Variants in RBX1 observed in about 807,000 individuals in gnomAD.
The protein encoded by RBX1 is ring-box 1.
For missense variants in RBX1, 46 were observed against 141.4 expected, an observed-to-expected ratio of 0.33 and a Z score of 3.42; for synonymous variants, 48 against 47.9, an observed-to-expected ratio of 1.00 and a Z score of -0.01.
At chr22:40,956,370 G>T (rs1370520590) in intron 2 of RBX1, among the ~76,000 whole-genome samples, 3 of 150,420 alleles carry the variant, frequency 2.0e-5, no homozygotes. Context: ...ATAAAACAAT[G>T]AGTGAGATCG....
At chr22:40,953,753 C>T in intron 2 of RBX1, 120 bp downstream of exon 2, 1 of 684,992 alleles carries the variant, frequency 1.5e-6, no homozygotes, top group Non-Finnish European at 2.7e-6. Flanking sequence ...AGCACTCGGT[C>T]TTCTGTATCT....
chr22:40,957,659 T>A (rs1355736237), intron 2 of RBX1, among the ~76,000 whole-genome samples: 1 of 152,036 alleles, frequency 6.6e-6, no homozygotes, highest in East Asian at 1.9e-4. Context: ...CACTGTTTAT[T>A]TTTTATTTTT....
chr22:40,951,775 G>A (rs1469122815), intron 1 of RBX1, among the ~76,000 whole-genome samples: 1 of 144,282 alleles, frequency 6.9e-6, no homozygotes, highest in African/African-American at 2.5e-5. Context: ...TCACTGGAGT[G>A]GTTGAGAGGT....
chr22:40,967,870 G>A lies in RBX1; in HGVS notation c.300G>A (p.Glu100=). 9 of 1,613,130 alleles carry A rather than the reference G, an allele frequency of 5.6e-6. No homozygotes were observed. The highest frequency in any genetic ancestry group is 7.6e-6 in the Non-Finnish European group (9 of 1,179,118). The change falls in exon 4 of 5, where the codon GAG becomes GAA. Residue 100 remains glutamate, a synonymous_variant. Transcript: ENST00000216225. ...TRQVCPLDNR[E]WEFQKYGH ...AGGTGTGTCCATTGGACAACAGAGA[G>A]TGGGAATTCCAAAAGTAGGTATCTT...
At chr22:40,956,083 T>G (rs2058324654) in intron 2 of RBX1, among the ~76,000 whole-genome samples, 1 of 152,136 alleles carries the variant, frequency 6.6e-6, no homozygotes, top group Admixed American at 6.6e-5. Context: ...TCTCTATATT[T>G]AAGTCAGTGT....
rs1246257105 is a variant in RBX1, at chr22:40,972,618, A to G, written c.*130A>G. 2.7e-6 allele frequency: 2 copies of G among 744,016 alleles called. No individual in the cohort carries two copies. Among genetic ancestry groups the G allele is most frequent in the East Asian group, 2.5e-5 (1 of 39,384 alleles). 46.1% of individuals were successfully genotyped at this position (744,016 alleles called of 1,614,324 possible). On this transcript the variant is annotated 3_prime_UTR_variant, in exon 5 of 5. Coordinates refer to ENST00000216225, the MANE Select transcript of RBX1 (RefSeq NM_014248.4). ...TGTTTTTTCAGTTTGCTGTTTCTGTAGCCATATTGTATTCTGTGTCAAATA... is the reference window on the plus strand; with the variant it reads ...TGTTTTTTCAGTTTGCTGTTTCTGTGGCCATATTGTATTCTGTGTCAAATA...
At chr22:40,970,731 C>T (rs913836851) in intron 4 of RBX1, among the ~76,000 whole-genome samples, 14 of 151,050 alleles carry the variant, frequency 9.3e-5, no homozygotes, top group Non-Finnish European at 1.2e-4. Context: ...TTAGGCTATT[C>T]TTGGGTTTAA....
At chr22:40,962,005 G>C (rs1221980820) in intron 2 of RBX1, among the ~76,000 whole-genome samples, 1 of 152,044 alleles carries the variant, frequency 6.6e-6, no homozygotes, top group African/African-American at 2.4e-5. Flanking sequence ...GGCTGGTCTC[G>C]AACCCTGACA....
At chr22:40,951,914 G>C (rs527930507) in intron 1 of RBX1, among the ~76,000 whole-genome samples, 1 of 152,166 alleles carries the variant, frequency 6.6e-6, no homozygotes, top group African/African-American at 2.4e-5. Flanking sequence ...AGGCCTCTGA[G>C]GACCCCCCTT....
intron 2 of RBX1, among the ~76,000 whole-genome samples, chr22:40,956,055 A>C (rs916790800): frequency 6.6e-6 from 1 of 151,704 alleles, no homozygotes; most frequent in Non-Finnish European, 1.5e-5. Flanking sequence ...ATGATTTTAT[A>C]TAACCCTGAT....
intron 2 of RBX1, among the ~76,000 whole-genome samples, chr22:40,956,175 AGT>A (rs2058324866): frequency 6.6e-6 from 1 of 152,058 alleles, no homozygotes; most frequent in African/African-American, 2.4e-5. Context: ...CTTCTCTTAG[AGT>A]GAAATGCTTG....
chr22:40,972,266 G>A (rs2058371144), intron 4 of RBX1, among the ~76,000 whole-genome samples: 2 of 152,206 alleles, frequency 1.3e-5, no homozygotes, highest in South Asian at 4.1e-4. Flanking sequence ...GTCCCTAAGA[G>A]GGGGCAGTAG....
At chr22:40,966,231 G>A (rs1431939499) in intron 3 of RBX1, 1 of 152,244 alleles carries the variant, frequency 6.6e-6, no homozygotes, top group Non-Finnish European at 1.5e-5. Flanking sequence ...TTTATCTTCT[G>A]TAAATTGTAC....
intron 2 of RBX1, among the ~76,000 whole-genome samples, chr22:40,959,882 C>T (rs964104023): frequency 1.3e-5 from 2 of 152,000 alleles, no homozygotes; most frequent in South Asian, 2.1e-4. Flanking sequence ...CATGGGAGGC[C>T]GAGGCAGGCA....
chr22:40,957,232 C>T (rs956601847), intron 2 of RBX1, among the ~76,000 whole-genome samples: 1 of 151,904 alleles, frequency 6.6e-6, no homozygotes, highest in Non-Finnish European at 1.5e-5. Context: ...GTAATCCCAG[C>T]TACATGGGAG....
intron 2 of RBX1, among the ~76,000 whole-genome samples, chr22:40,962,888 G>T (rs549032473): frequency 6.9e-6 from 1 of 145,638 alleles, no homozygotes; most frequent in East Asian, 2.1e-4. Context: ...AGTAGAGACG[G>T]TGTTTCACTA....
rs193148306 is a variant in RBX1, at chr22:40,961,644, C to T, written c.158-2403C>T. Reference sequence around the variant, plus strand: ...TGGGCTCGATCTCCTGACCTCGTGACCCACCCGCCTCAGCCTCCCAAAACG... The same window carrying T: ...TGGGCTCGATCTCCTGACCTCGTGATCCACCCGCCTCAGCCTCCCAAAACG... On this transcript the variant is annotated intron_variant, in intron 2 of 4. Coordinates refer to ENST00000216225, the MANE Select transcript of RBX1 (RefSeq NM_014248.4). Among the ~76,000 whole-genome samples, 334 of 151,960 alleles carry T rather than the reference C, an allele frequency of 2.2e-3. 3 individuals carry two copies. Among genetic ancestry groups the T allele is most frequent in the African/African-American group, 7.9e-3 (327 of 41,490 alleles).
chr22:40,955,322 G>A (rs757192043), intron 2 of RBX1, among the ~76,000 whole-genome samples: 2 of 144,696 alleles, frequency 1.4e-5, no homozygotes, highest in Non-Finnish European at 3.0e-5. Context: ...GGCTGGTCTC[G>A]AACTGGCTTC....
At chr22:40,962,484 T>A (rs1164028292) in intron 2 of RBX1, among the ~76,000 whole-genome samples, 1 of 150,848 alleles carries the variant, frequency 6.6e-6, no homozygotes, top group Non-Finnish European at 1.5e-5. Context: ...TTGTTTTTTT[T>A]AATAGTTTTA....
Sources: gnomAD v4.1 joint callset for allele counts (sites outside exome capture counted in the v4.1 genomes callset) on GRCh38, gnomAD v4.1.1 for gene constraint, MANE v1.5 for transcripts, NCBI Gene and HGNC (gene_info 2026-07-23, HGNC 2026-07-21) for gene names.